Variants in PCDHA7 observed in about 807,000 individuals in gnomAD.
PCDHA7 encodes protocadherin alpha 7.
Under a neutral mutation model 57.2 loss-of-function variants are expected in PCDHA7, and 37 were observed. The observed-to-expected ratio is 0.65, with a 90% confidence interval of 0.50 to 0.85. PCDHA7 has a LOEUF of 0.85. PCDHA7 is among the 40% of genes least tolerant of loss of function. The pLI is 0.00. For missense variants in PCDHA7, 1,188 were observed against 1,241.8 expected, an observed-to-expected ratio of 0.96 and a Z score of 0.65; for synonymous variants, 553 against 558.8, an observed-to-expected ratio of 0.99 and a Z score of 0.15.
chr5:140,884,634 G>T (rs1263952131), intron 1 of PCDHA7: 2 of 1,612,298 alleles, frequency 1.2e-6, no homozygotes, highest in Middle Eastern at 1.6e-4. Context: ...ACAGGCCAGA[G>T]GGAGGAGGAC....
intron 1 of PCDHA7, among the ~76,000 whole-genome samples, chr5:140,978,727 G>A (rs1382730289): frequency 1.3e-5 from 2 of 152,198 alleles, no homozygotes; most frequent in South Asian, 2.1e-4. Flanking sequence ...TATTAAATCT[G>A]GTCTTCCAGG....
At chr5:140,996,968 C>G (rs1290343779) in intron 3 of PCDHA7, among the ~76,000 whole-genome samples, 1 of 152,132 alleles carries the variant, frequency 6.6e-6, no homozygotes, top group Non-Finnish European at 1.5e-5. Context: ...CAATCCCACT[C>G]CCCTTTGGTG....
At chr5:141,007,613 T>C (rs1351675120) in intron 3 of PCDHA7, among the ~76,000 whole-genome samples, 1 of 152,056 alleles carries the variant, frequency 6.6e-6, no homozygotes, top group Non-Finnish European at 1.5e-5. Context: ...GAAGCAGATA[T>C]AGGAGAGGTC....
rs117279546 is a variant in PCDHA7 at position 140,845,433 on chromosome 5, T to C, written c.2355+8695T>C. On this transcript the variant is annotated intron_variant, in intron 1 of 3. Coordinates refer to ENST00000525929, the MANE Select transcript of PCDHA7 (RefSeq NM_018910.3). ...TGGCAATTTATCATTTAAGTCATTT[T>C]AGTTCTGTTTTTCTTCAACTCTCTG... Among the ~76,000 whole-genome samples the C allele has an allele frequency of 1.1e-4, 16 of 149,790 alleles. No individual in the cohort carries two copies. In the East Asian group the frequency reaches 2.1e-3, roughly 20 times the overall value.
Position 140,946,631 on chromosome 5 carries a change from T to TATATATATATATATAC in PCDHA7, c.2356-32317_2356-32316insTATATATATATATACA, listed in dbSNP as rs57893927. On this transcript the variant is annotated intron_variant, in intron 1 of 3. Coordinates refer to ENST00000525929, the MANE Select transcript of PCDHA7 (RefSeq NM_018910.3). The stretch of plus-strand genomic sequence containing the variant: ...TGTGAAATATATATATATATATATA[T>TATATATATATATATAC]ACAATGGAATACTCATCAGCCATTA... 8.0e-3 allele frequency among the ~76,000 whole-genome samples: 1,048 copies of TATATATATATATATAC among 131,788 alleles called. 65 individuals carry two copies. Among genetic ancestry groups the TATATATATATATATAC allele is most frequent in the African/African-American group, 0.026 (735 of 28,674 alleles). The allele number at this position is 131,788 out of a possible 152,430, so 86.5% of individuals were successfully genotyped here. A position where few individuals can be genotyped will look rare whatever the true frequency, so the allele number is the denominator to read the frequency against.
At chr5:140,850,385 G>A (rs2150481955) in intron 1 of PCDHA7, 4 of 1,598,006 alleles carry the variant, frequency 2.5e-6, no homozygotes, top group South Asian at 1.1e-5. Flanking sequence ...ACACGGGCGA[G>A]ATCAGCACAA....
chr5:140,887,803 C>T (rs2061589449), intron 1 of PCDHA7, among the ~76,000 whole-genome samples: 2 of 152,050 alleles, frequency 1.3e-5, no homozygotes, highest in Admixed American at 1.3e-4. Flanking sequence ...TTATTTTTGT[C>T]CATTTCTTTC....
intron 1 of PCDHA7, among the ~76,000 whole-genome samples, chr5:140,973,344 A>G (rs1389229715): frequency 1.3e-5 from 2 of 152,258 alleles, no homozygotes; most frequent in African/African-American, 2.4e-5. Flanking sequence ...AAAGTGACAT[A>G]GTAGTGAATT....
chr5:140,932,704 A>G (rs1365268266), intron 1 of PCDHA7, among the ~76,000 whole-genome samples: 1 of 151,932 alleles, frequency 6.6e-6, no homozygotes, highest in Non-Finnish European at 1.5e-5. Context: ...ACTCATATAG[A>G]CAACACAATA....
At chr5:140,927,166 G>A in intron 1 of PCDHA7, 1 of 1,614,188 alleles carries the variant, frequency 6.2e-7, no homozygotes. Context: ...GGCCAAAGCT[G>A]CCTGCGTCTT....
At chr5:140,858,424 C>A in intron 1 of PCDHA7, 1 of 1,553,410 alleles carries the variant, frequency 6.4e-7, no homozygotes, top group Non-Finnish European at 8.8e-7. Flanking sequence ...TTGGAGGGGA[C>A]CACTCTAGGA....
chr5:140,927,843 C>G, intron 1 of PCDHA7: 2 of 1,614,186 alleles, frequency 1.2e-6, no homozygotes, highest in Non-Finnish European at 1.7e-6. Flanking sequence ...ACGAAGGTGT[C>G]TTTGGTTTAG....
At position 141,010,334 on chromosome 5, in the gene PCDHA7, T is replaced by C; in HGVS notation, c.*397T>C. On this transcript the variant is annotated 3_prime_UTR_variant, in exon 4 of 4. Transcript: ENST00000525929. The stretch of plus-strand genomic sequence containing the variant: ...TGAGATTGAGCAGCTTGGGAGTTTG[T>C]GGCCACTGGGTATGTGTGGCTACCG... The C allele has an allele frequency of 2.0e-6, 3 of 1,537,004 alleles. No homozygotes were observed. The East Asian group carries it at 7.4e-5, about 38-fold the overall frequency.
At chr5:140,855,253 C>A (rs2043395056) in intron 1 of PCDHA7, among the ~76,000 whole-genome samples, 2 of 149,832 alleles carry the variant, frequency 1.3e-5, no homozygotes, top group South Asian at 4.2e-4. Flanking sequence ...CAAGCACTTA[C>A]TATATTATAA....
At chr5:140,848,684 G>C (rs2040546580) in intron 1 of PCDHA7, 1 of 1,592,318 alleles carries the variant, frequency 6.3e-7, no homozygotes, top group African/African-American at 1.3e-5. Flanking sequence ...TGCCGCGCCT[G>C]TTCCAGTTGG....
At position 140,848,413 on chromosome 5, in the gene PCDHA7, G is replaced by A. The variant is rs2150410118; in HGVS notation, c.2355+11675G>A. On this transcript the variant is annotated intron_variant, in intron 1 of 3. Transcript: ENST00000525929. The stretch of plus-strand genomic sequence containing the variant: ...TCTGTGCTGAACGATGGCGAACACA[G>A]CAGAATGGGACTGACGAAATCAGAT... 44 of 1,383,064 alleles carry A rather than the reference G, an allele frequency of 3.2e-5. 5 individuals are homozygous for A. Among genetic ancestry groups the A allele is most frequent in the Non-Finnish European group, 4.2e-5 (42 of 1,005,008 alleles). The allele number at this position is 1,383,064 out of a possible 1,614,324, so 85.7% of individuals were successfully genotyped here.
intron 3 of PCDHA7, among the ~76,000 whole-genome samples, chr5:140,991,619 A>G (rs1554252338): frequency 1.3e-5 from 2 of 152,206 alleles, no homozygotes; most frequent in African/African-American, 4.8e-5. Context: ...CTTTAATGCC[A>G]TATTTGTAAT....
At chr5:140,980,948 G>C (rs72802987) in intron 2 of PCDHA7, among the ~76,000 whole-genome samples, 1 of 152,206 alleles carries the variant, frequency 6.6e-6, no homozygotes, top group Non-Finnish European at 1.5e-5. Flanking sequence ...CTGGCTCCAG[G>C]ATAGTTACAC....
In PCDHA7 at chr5:141,007,573, TA is replaced by T. The variant is rs1265481031; in HGVS notation, c.2504-2048del. Among the ~76,000 whole-genome samples, 3 of 151,796 alleles carry T rather than the reference TA, an allele frequency of 2.0e-5. No homozygotes were observed. The East Asian group carries it at 5.8e-4, about 29-fold the overall frequency. On this transcript the variant is annotated intron_variant, in intron 3 of 3. Coordinates refer to ENST00000525929, the MANE Select transcript of PCDHA7 (RefSeq NM_018910.3). ...ACAGAGCAAGGCTCTATCTCAAATTTAAAAAATAATAATCATGATAATAATA... is the reference window on the plus strand; with the variant it reads ...ACAGAGCAAGGCTCTATCTCAAATTTAAAAATAATAATCATGATAATAATA...
Sources: allele counts gnomAD v4.1 joint callset (sites outside exome capture counted in the v4.1 genomes callset), GRCh38; gene constraint gnomAD v4.1.1; transcripts MANE v1.5; gene names NCBI Gene and HGNC (gene_info 2026-07-23, HGNC 2026-07-21).